Variants in TF observed in about 807,000 individuals in gnomAD.
TF encodes the protein serotransferrin.
TF carries 55 observed loss-of-function variants against 82.4 expected under a neutral mutation model. That is an observed-to-expected ratio of 0.67 (90% CI 0.54 to 0.84). The LOEUF is 0.84. Ranked by LOEUF, TF falls within the 40% of genes least tolerant of loss-of-function variation. TF has a pLI of 0.00. For missense variants in TF, 737 were observed against 868.4 expected (o/e 0.85, Z 1.90); for synonymous variants, 332 against 332.6 (o/e 1.00, Z 0.02).
upstream of TF, among the ~76,000 whole-genome samples, chr3:133,742,988 T>G (rs1290689769): frequency 6.6e-6 from 1 of 152,186 alleles, no homozygotes; most frequent in Non-Finnish European, 1.5e-5. Flanking sequence ...TTATGTCCTC[T>G]ATCAATCTCT....
chr3:133,736,567 T>G, the TF span, among the ~76,000 whole-genome samples: 1 of 133,136 alleles, frequency 7.5e-6, no homozygotes, highest in Non-Finnish European at 1.5e-5. Context: ...CCATCTCACG[T>G]GCAAAGACAC....
In TF at chr3:133,776,902, A is replaced by G. The variant is rs188698298; in HGVS notation, c.1873-147A>G. 1.0e-4 allele frequency: 73 copies of G among 725,022 alleles called. No homozygotes were observed. In the African/African-American group the frequency reaches 1.2e-3, roughly 12 times the overall value. The allele number at this position is 725,022 out of a possible 1,614,324, so 44.9% of individuals were successfully genotyped here. ...GGGGCCCTAAGTGGATAAATGGCAG[A>G]TAAAGGAGGTGGAAAATTCCCAAGA... On this transcript the variant is annotated intron_variant, in intron 15 of 16. Transcript: ENST00000402696.
the TF span, among the ~76,000 whole-genome samples, chr3:133,706,372 C>G: frequency 6.6e-6 from 1 of 152,302 alleles, no homozygotes; most frequent in South Asian, 2.1e-4. Context: ...AAGACCACCA[C>G]TAGGAGGCAA....
the TF span, among the ~76,000 whole-genome samples, chr3:133,732,791 C>G: frequency 6.6e-6 from 1 of 151,266 alleles, no homozygotes; most frequent in Non-Finnish European, 1.5e-5. Flanking sequence ...TTCTTGAACT[C>G]AGCGAGACCA....
the TF span, among the ~76,000 whole-genome samples, chr3:133,738,691 C>T: frequency 3.3e-5 from 5 of 152,162 alleles, no homozygotes; most frequent in African/African-American, 1.2e-4. Context: ...AGCACCAAAT[C>T]ATGAGTGGAC....
rs1164314148 is a variant in TF, at chr3:133,782,248, C to G, written c.*3628C>G. ...AACAGTATGGAGGTTTCTAAATAAA[C>G]TGAAAATAGGGCTACATATGACCCA... On this transcript the variant is annotated 3_prime_UTR_variant, in exon 17 of 17. Coordinates refer to ENST00000402696, the MANE Select transcript of TF (RefSeq NM_001063.4). 1 of 152,138 alleles carries G rather than the reference C, an allele frequency of 6.6e-6. No individual in the cohort carries two copies. The highest frequency in any genetic ancestry group is 1.9e-4 in the East Asian group (1 of 5,198). The allele number at this position is 152,138 out of a possible 1,614,324, so 9.4% of individuals were successfully genotyped here.
the TF span, among the ~76,000 whole-genome samples, chr3:133,715,736 T>C: frequency 6.6e-6 from 1 of 152,180 alleles, no homozygotes; most frequent in Non-Finnish European, 1.5e-5. Context: ...GTTTTATTAT[T>C]GTTTTTCAAT....
chr3:133,764,743 TG>T (rs1934082928), intron 10 of TF, 131 bp from the exon 11 acceptor site: 2 of 849,756 alleles, frequency 2.4e-6, no homozygotes, highest in Non-Finnish European at 3.8e-6. Context: ...CTGGACTTGT[TG>T]GGAATTGATG....
At chr3:133,703,529 G>A in the TF span, among the ~76,000 whole-genome samples, 1 of 152,168 alleles carries the variant, frequency 6.6e-6, no homozygotes, top group Admixed American at 6.5e-5. Context: ...AGGAATATAT[G>A]AGGTAATCAC....
upstream of TF, among the ~76,000 whole-genome samples, chr3:133,744,713 C>T (rs1392907892): frequency 6.6e-6 from 1 of 152,188 alleles, no homozygotes; most frequent in Non-Finnish European, 1.5e-5. Context: ...TCTGTCCTCA[C>T]TGTAAACAGA....
chr3:133,711,154 ACT>A, the TF span, among the ~76,000 whole-genome samples: 2 of 152,076 alleles, frequency 1.3e-5, no homozygotes, highest in Middle Eastern at 3.4e-3. Flanking sequence ...GCTAAATGAA[ACT>A]CTTTTTCCCA....
chr3:133,740,700 GATTGGGAGTAC>G, the TF span, among the ~76,000 whole-genome samples: 1 of 152,060 alleles, frequency 6.6e-6, no homozygotes, highest in East Asian at 1.9e-4. Flanking sequence ...TTTGGAATTT[GATTGGGAGTAC>G]ATTGAATTTC....
intron 3 of TF, chr3:133,754,187 G>A (rs917076213): frequency 8.6e-5 from 38 of 444,112 alleles, no homozygotes; most frequent in Middle Eastern, 6.4e-4. Flanking sequence ...CCAGTTTCCT[G>A]GTGGCTGAGG....
chr3:133,718,337 G>A, the TF span, among the ~76,000 whole-genome samples: 2 of 152,162 alleles, frequency 1.3e-5, no homozygotes, highest in Non-Finnish European at 2.9e-5. Context: ...GGTCCCTGGT[G>A]AGGACATGTT....
chr3:133,736,833 C>T, the TF span, among the ~76,000 whole-genome samples: 31 of 152,058 alleles, frequency 2.0e-4, no homozygotes, highest in Admixed American at 1.6e-3. Flanking sequence ...TTCTTAGGGA[C>T]GGACAAAGAG....
chr3:133,783,840 C>A lies in TF; in HGVS notation c.*5220C>A, dbSNP rs1466914486. On this transcript the variant is annotated 3_prime_UTR_variant, in exon 17 of 17. Transcript: ENST00000402696. ...CGAACCACTTTTCCTCCCCGACCTG[C>A]CGGCTGCAGGGTCTCCCCGCCCAAC... 1 of 152,278 alleles carries A rather than the reference C, an allele frequency of 6.6e-6. No homozygotes were observed. The highest frequency in any genetic ancestry group is 1.5e-5 in the Non-Finnish European group (1 of 68,072). 9.4% of individuals were successfully genotyped at this position (152,278 alleles called of 1,614,324 possible).
At chr3:133,732,265 A>C in the TF span, among the ~76,000 whole-genome samples, 25 of 152,272 alleles carry the variant, frequency 1.6e-4, no homozygotes, top group South Asian at 5.2e-3. Context: ...TCGGGTGGGG[A>C]CTTGGAGAAC....
the TF span, among the ~76,000 whole-genome samples, chr3:133,679,592 T>TC: frequency 1.5e-3 from 227 of 149,714 alleles, no homozygotes; most frequent in African/African-American, 5.3e-3. Context: ...TTTTTTTTTT[T>TC]TACTCAGCAT....
At chr3:133,708,613 GCAC>G in the TF span, among the ~76,000 whole-genome samples, 2 of 151,506 alleles carry the variant, frequency 1.3e-5, no homozygotes, top group African/African-American at 4.9e-5. Flanking sequence ...TAGTATCTTG[GCAC>G]CCCTTCCACT....
Sources: gnomAD v4.1 joint callset for allele counts (sites outside exome capture counted in the v4.1 genomes callset) on GRCh38, gnomAD v4.1.1 for gene constraint, MANE v1.5 for transcripts, NCBI Gene and HGNC (gene_info 2026-07-23, HGNC 2026-07-21) for gene names.